TRIM5: variants seen among roughly 807,000 people sequenced by gnomAD.
TRIM5 encodes the protein tripartite motif containing 5, also known as tripartite motif-containing protein 5.
TRIM5 carries 31 observed loss-of-function variants against 35.6 expected under a neutral mutation model. That is an observed-to-expected ratio of 0.87 (90% CI 0.65 to 1.18). The LOEUF is 1.18. Ranked by LOEUF, TRIM5 falls within the 50% of genes most tolerant of loss-of-function variation. TRIM5 has a pLI of 0.00. For synonymous variants in TRIM5, 243 were observed against 215.6 expected, an observed-to-expected ratio of 1.13 and a Z score of -1.11; for missense variants, 609 against 591.6, an observed-to-expected ratio of 1.03 and a Z score of -0.31.
the TRIM5 span, chr11:5,643,337 A>G: frequency 1.2e-6 from 2 of 1,614,006 alleles, no homozygotes; most frequent in South Asian, 2.2e-5. Context: ...TCCTGGGGGT[A>G]TACTGTAGAA....
the TRIM5 span, among the ~76,000 whole-genome samples, chr11:5,634,403 A>G: frequency 1.3e-5 from 2 of 151,250 alleles, no homozygotes; most frequent in African/African-American, 4.9e-5. Context: ...AAGTACCTCT[A>G]TTGCTTCTAC....
intron 6 of TRIM5, 148 bp from the exon 7 acceptor site, chr11:5,665,830 T>C: frequency 1.5e-6 from 2 of 1,336,588 alleles, no homozygotes; most frequent in East Asian, 4.9e-5. Context: ...CACCTAGCCA[T>C]TTCCCATTAA....
the TRIM5 span, chr11:5,655,706 A>C: frequency 5.1e-6 from 5 of 985,398 alleles, no homozygotes; most frequent in African/African-American, 8.7e-5. Flanking sequence ...TATGCAGTCA[A>C]AAAAAGAATA....
At chr11:5,641,381 T>C in the TRIM5 span, 4 of 1,358,520 alleles carry the variant, frequency 2.9e-6, no homozygotes, top group Non-Finnish European at 3.8e-6. Context: ...CGATCCTATG[T>C]TAGTAAATTC....
At chr11:5,681,270 A>C (rs1251113512) in intron 1 of TRIM5, among the ~76,000 whole-genome samples, 2 of 152,168 alleles carry the variant, frequency 1.3e-5, no homozygotes, top group African/African-American at 4.8e-5. Context: ...GCGGCCCAAT[A>C]ACGAGATGCA....
intron 4 of TRIM5, among the ~76,000 whole-genome samples, chr11:5,673,121 A>C (rs1851694777): frequency 6.6e-6 from 1 of 152,128 alleles, no homozygotes; most frequent in African/African-American, 2.4e-5. Flanking sequence ...CCCAAATGAA[A>C]AGTCAGAGAC....
At chr11:5,592,581 C>T in the TRIM5 span, among the ~76,000 whole-genome samples, 1 of 151,822 alleles carries the variant, frequency 6.6e-6, no homozygotes, top group African/African-American at 2.4e-5. Context: ...AAGAACAAAA[C>T]AAATTTTTAA....
At chr11:5,610,741 C>G in the TRIM5 span, 2 of 1,602,992 alleles carry the variant, frequency 1.2e-6, no homozygotes, top group Non-Finnish European at 1.7e-6. Context: ...CCCATGTCCC[C>G]GTTCTCATCT....
chr11:5,655,602 AT>A, the TRIM5 span: 5 of 971,036 alleles, frequency 5.1e-6, no homozygotes, highest in South Asian at 9.5e-5. Context: ...CATGAATAGC[AT>A]TGGTTAAGGT....
chr11:5,628,098 T>C, the TRIM5 span, among the ~76,000 whole-genome samples: 1 of 152,116 alleles, frequency 6.6e-6, no homozygotes, highest in Non-Finnish European at 1.5e-5. Flanking sequence ...AGTGGTGGGG[T>C]CATTTCTCAC....
chr11:5,618,481 A>T, the TRIM5 span, among the ~76,000 whole-genome samples: 1 of 152,240 alleles, frequency 6.6e-6, no homozygotes, highest in Non-Finnish European at 1.5e-5. Flanking sequence ...TGATATAAGT[A>T]ATATTAAACT....
chr11:5,643,595 C>T, the TRIM5 span: 12 of 1,614,008 alleles, frequency 7.4e-6, no homozygotes, highest in Non-Finnish European at 8.5e-6. Context: ...ATGTCACAAG[C>T]CATGGCTCCC....
At chr11:5,678,142 G>C in intron 4 of TRIM5, 62 bp downstream of exon 4, 2 of 1,422,404 alleles carry the variant, frequency 1.4e-6, no homozygotes, top group Non-Finnish European at 1.9e-6. Context: ...CAGCAACGCA[G>C]AGAAGGAAAT....
the TRIM5 span, among the ~76,000 whole-genome samples, chr11:5,640,357 T>C: frequency 6.6e-6 from 1 of 152,214 alleles, no homozygotes; most frequent in African/African-American, 2.4e-5. Flanking sequence ...TGCTGAATTT[T>C]GCTGAATGCT....
chr11:5,637,963 G>A, the TRIM5 span, among the ~76,000 whole-genome samples: 1 of 152,272 alleles, frequency 6.6e-6, no homozygotes, highest in Non-Finnish European at 1.5e-5. Context: ...AATAACACCT[G>A]GAATTACTCT....
chr11:5,630,906 T>C, the TRIM5 span, among the ~76,000 whole-genome samples: 1 of 152,244 alleles, frequency 6.6e-6, no homozygotes, highest in Non-Finnish European at 1.5e-5. Context: ...TCACGGAAGA[T>C]AATATGTCTT....
chr11:5,605,475 G>C, the TRIM5 span: 27 of 1,614,080 alleles, frequency 1.7e-5, no homozygotes, highest in African/African-American at 2.7e-5. Flanking sequence ...AGAAGAGGCT[G>C]AGAATGATCT....
chr11:5,625,656 G>A, the TRIM5 span, among the ~76,000 whole-genome samples: 4 of 152,094 alleles, frequency 2.6e-5, no homozygotes, highest in Admixed American at 6.5e-5. Context: ...ACAATAGCAG[G>A]TTGAGTGATG....
At chr11:5,643,526 G>T in the TRIM5 span, 4 of 1,614,004 alleles carry the variant, frequency 2.5e-6, no homozygotes, top group Non-Finnish European at 3.4e-6. Context: ...CCATGGCTGT[G>T]CCTCCCTGCC....
Sources: gnomAD v4.1 joint callset for allele counts (sites outside exome capture counted in the v4.1 genomes callset) on GRCh38, gnomAD v4.1.1 for gene constraint, MANE v1.5 for transcripts, NCBI Gene and HGNC (gene_info 2026-07-23, HGNC 2026-07-21) for gene names.